FBXO11: variants seen among roughly 807,000 people sequenced by gnomAD.
The protein encoded by FBXO11 is F-box only protein 11.
A neutral mutation model predicts 117.0 loss-of-function variants in FBXO11; 13 were observed. The ratio of observed to expected loss-of-function variants is 0.11; its 90% CI spans 0.07 to 0.18. The LOEUF (loss-of-function observed/expected upper bound fraction) is 0.18. Ranked by LOEUF, FBXO11 falls within the 10% of genes least tolerant of loss-of-function variation. The probability of loss-of-function intolerance (pLI) is 1.00; values close to 1 mark genes in which losing one functional copy is unlikely to be tolerated. For synonymous variants in FBXO11, 490 were observed against 380.5 expected, an observed-to-expected ratio of 1.29 and a Z score of -3.35; for missense variants, 767 against 1,164.4, an observed-to-expected ratio of 0.66 and a Z score of 4.97.
At chr2:47,820,209 G>C (rs930065003) in intron 14 of FBXO11, among the ~76,000 whole-genome samples, 153 bp downstream of exon 14, 3 of 152,156 alleles carry the variant, frequency 2.0e-5, no homozygotes, top group African/African-American at 4.8e-5. Flanking sequence ...CTGGCAGGGA[G>C]AAGAAGAACG....
intron 1 of FBXO11, among the ~76,000 whole-genome samples, chr2:47,841,448 G>GTC (rs1266285085): frequency 6.6e-6 from 1 of 152,056 alleles, no homozygotes; most frequent in African/African-American, 2.4e-5. Flanking sequence ...ACAACCAGTA[G>GTC]TGTATATATC....
At chr2:47,813,692 C>T in intron 17 of FBXO11, 99 bp downstream of exon 17, 1 of 984,626 alleles carries the variant, frequency 1.0e-6, no homozygotes, top group Admixed American at 2.1e-5. Flanking sequence ...CTCGGCCTCC[C>T]AAAGTGCTGG....
chr2:47,832,973 C>G lies in FBXO11; in HGVS notation c.1032G>C (p.Met344Ile). 6.2e-7 allele frequency: 1 copy of G among 1,610,028 alleles called. No homozygotes were observed. The highest frequency in any genetic ancestry group is 8.5e-7 in the Non-Finnish European group (1 of 1,176,394). The change falls in exon 8 of 23, where the codon ATG (methionine) becomes ATC (isoleucine). Residue 344 changes from methionine (M) to isoleucine (I), a missense_variant. Met to Ile is a conservative substitution (Grantham distance 10, BLOSUM62 1). Coordinates refer to ENST00000403359, the MANE Select transcript of FBXO11 (RefSeq NM_001190274.2). ...TCTTAACATGTCTTACCCTTATTGT[C>G]ATATATCCAACATAAGCATCTTCAG... ...EGSEDAYVGY[M>I]TIRFNPDDKS...
intron 16 of FBXO11, chr2:47,818,493 C>T (rs1488642618): frequency 1.0e-5 from 3 of 292,870 alleles, no homozygotes; most frequent in Non-Finnish European, 6.3e-6. Context: ...CACAGACTTC[C>T]ACTCTCCAAG....
rs569020994 is a variant in FBXO11, at chr2:47,837,988, G to A, written c.587+871C>T. ...TGCCTATAATCCCAGCACTTTGGGC[G>A]GCCGAGGTAGAAGGATCACTTGACC... On this transcript the variant is annotated intron_variant, in intron 4 of 22. Coordinates refer to ENST00000403359, the MANE Select transcript of FBXO11 (RefSeq NM_001190274.2). 4.6e-5 allele frequency among the ~76,000 whole-genome samples: 7 copies of A among 151,734 alleles called. No homozygotes were observed. In the South Asian group the frequency reaches 6.2e-4, roughly 14 times the overall value.
intron 11 of FBXO11, among the ~76,000 whole-genome samples, chr2:47,831,344 G>A (rs1672168840): frequency 6.6e-6 from 1 of 150,828 alleles, no homozygotes; most frequent in Admixed American, 6.6e-5. Flanking sequence ...TGAACCAGGA[G>A]GTGGAGGTTG....
intron 18 of FBXO11, among the ~76,000 whole-genome samples, chr2:47,812,617 A>G (rs1233144097): frequency 2.0e-5 from 3 of 152,232 alleles, no homozygotes; most frequent in East Asian, 1.9e-4. Context: ...TGTTAGAGTA[A>G]TAACTAGCTA....
At chr2:47,856,558 T>C (rs555008704) in intron 1 of FBXO11, among the ~76,000 whole-genome samples, 12 of 152,314 alleles carry the variant, frequency 7.9e-5, no homozygotes, top group African/African-American at 2.2e-4. Flanking sequence ...TAAAAGGCTG[T>C]AAGTGGTATG....
intron 13 of FBXO11, 74 bp from the exon 14 acceptor site, chr2:47,820,530 G>A: frequency 1.7e-6 from 2 of 1,147,880 alleles, no homozygotes; most frequent in Non-Finnish European, 2.5e-6. Flanking sequence ...ACATTAGGTA[G>A]TGGTTAAAAT....
At chr2:47,820,212 G>A (rs1021997892) in intron 14 of FBXO11, 150 bp downstream of exon 14, 1 of 468,572 alleles carries the variant, frequency 2.1e-6, no homozygotes, top group Non-Finnish European at 3.8e-6. Context: ...GCAGGGAGAA[G>A]AAGAACGTTA....
chr2:47,891,317 A>AT lies in FBXO11; in HGVS notation c.232+14171dup, dbSNP rs1215588777. ...CTCCCTTTCACCCCTGACAACCACG[A>AT]TTCCACTCTTTGATTCTATAAATTT... On this transcript the variant is annotated intron_variant, in intron 1 of 22. Transcript: ENST00000403359. 1.4e-4 allele frequency among the ~76,000 whole-genome samples: 21 copies of AT among 152,134 alleles called. 1 individual carries two copies. Among genetic ancestry groups the AT allele is most frequent in the African/African-American group, 4.8e-4 (20 of 41,518 alleles).
intron 1 of FBXO11, among the ~76,000 whole-genome samples, chr2:47,868,296 A>T (rs1425910228): frequency 6.6e-6 from 1 of 151,724 alleles, no homozygotes; most frequent in African/African-American, 2.4e-5. Flanking sequence ...AAAAAAAAAA[A>T]AAAAAAGCTG....
intron 1 of FBXO11, among the ~76,000 whole-genome samples, chr2:47,873,362 G>A (rs1303359773): frequency 2.0e-5 from 3 of 152,240 alleles, no homozygotes; most frequent in Non-Finnish European, 2.9e-5. Flanking sequence ...GACACAGAAA[G>A]GAAGCTAAGA....
intron 11 of FBXO11, among the ~76,000 whole-genome samples, chr2:47,827,969 T>C (rs1356422522): frequency 6.6e-6 from 1 of 152,108 alleles, no homozygotes; most frequent in African/African-American, 2.4e-5. Flanking sequence ...AGTGCTGCGA[T>C]TACAGAGCTA....
rs141784478 is a variant in FBXO11, at chr2:47,833,033, G to A, written c.972C>T (p.Asn324=). 31 of 1,613,604 alleles carry A rather than the reference G, an allele frequency of 1.9e-5. No individual in the cohort carries two copies. Among genetic ancestry groups the A allele is most frequent in the Non-Finnish European group, 2.5e-5 (30 of 1,179,716 alleles). Reference sequence around the variant, plus strand: ...TAAAAACGAAGGTTGAATCTCTAGTGTTTTCAATTATAACTTTGTCTGCCA... The same window carrying A: ...TAAAAACGAAGGTTGAATCTCTAGTATTTTCAATTATAACTTTGTCTGCCA... ...GKVADKVIIE[N]TRDSTFVFME... is the part of the protein sequence containing the mutation. The change falls in exon 8 of 23, where the codon AAC becomes AAT. Residue 324 remains asparagine (N), a synonymous_variant. Transcript: ENST00000403359.
chr2:47,880,817 C>G (rs1676374446), intron 1 of FBXO11, among the ~76,000 whole-genome samples: 1 of 152,194 alleles, frequency 6.6e-6, no homozygotes, highest in Admixed American at 6.5e-5. Context: ...TACCTTTTCT[C>G]TATCTTTTAA....
chr2:47,807,369 T>A lies in FBXO11; in HGVS notation c.*749A>T. 1 of 210,214 alleles carries A rather than the reference T, an allele frequency of 4.8e-6. No individual in the cohort carries two copies. The highest frequency in any genetic ancestry group is 9.7e-6 in the Non-Finnish European group (1 of 103,308). The allele number at this position is 210,214 out of a possible 1,614,324, so 13.0% of individuals were successfully genotyped here. A position where few individuals can be genotyped will look rare whatever the true frequency, so the allele number is the denominator to read the frequency against. ...ACAGTGCATCCCTTCCTAGGAAGTC[T>A]CATTAAAACACTCACTTTTTCTAGG... On this transcript the variant is annotated 3_prime_UTR_variant, in exon 23 of 23. Coordinates refer to ENST00000403359, the MANE Select transcript of FBXO11 (RefSeq NM_001190274.2).
intron 1 of FBXO11, among the ~76,000 whole-genome samples, chr2:47,871,041 A>C (rs1296578803): frequency 1.1e-4 from 16 of 152,090 alleles, no homozygotes; most frequent in Admixed American, 1.0e-3. Flanking sequence ...AAATGCTTTG[A>C]TACTCCTCTT....
chr2:47,820,380 C>G lies in FBXO11; in HGVS notation c.1779G>C (p.Gln593His). 1 of 1,613,654 alleles carries G rather than the reference C, an allele frequency of 6.2e-7. No individual in the cohort carries two copies. Among genetic ancestry groups the G allele is most frequent in the Non-Finnish European group, 8.5e-7 (1 of 1,179,810 alleles). The change falls in exon 14 of 23, where the codon CAG (glutamine) becomes CAC (histidine). Residue 593 changes from glutamine to histidine, a missense_variant. Coordinates refer to ENST00000403359, the MANE Select transcript of FBXO11 (RefSeq NM_001190274.2). ...IVRHNKIHDG[Q>H]HGGIYVHEKG... The stretch of plus-strand genomic sequence containing the variant: ...AACTTACCACATAAATCCCACCATG[C>G]TGGCCATCATGAATTTTGTTATGCC...
Sources: allele counts gnomAD v4.1 joint callset (sites outside exome capture counted in the v4.1 genomes callset), GRCh38; gene constraint gnomAD v4.1.1; transcripts MANE v1.5; gene names NCBI Gene and HGNC (gene_info 2026-07-23, HGNC 2026-07-21).